ADD3: variants seen among roughly 807,000 people sequenced by gnomAD.
ADD3 encodes the protein gamma-adducin.
In ADD3, 25 loss-of-function variants were observed where a neutral mutation model predicts 80.2. The ratio of observed to expected loss-of-function variants is 0.31; its 90% CI spans 0.23 to 0.44. ADD3 has a LOEUF of 0.44. Ranked by LOEUF, ADD3 falls within the 20% of genes least tolerant of loss-of-function variation. The pLI is 1.00. For synonymous variants in ADD3, 284 were observed against 289.6 expected (o/e 0.98, Z 0.20); for missense variants, 829 against 847.5 (o/e 0.98, Z 0.27).
At chr10:110,056,956 C>T (rs763892414) in intron 1 of ADD3, among the ~76,000 whole-genome samples, 4 of 152,280 alleles carry the variant, frequency 2.6e-5, no homozygotes, top group South Asian at 2.1e-4. Flanking sequence ...GGTTAGTTTT[C>T]GTTCTTTCTA....
At chr10:110,053,141 C>CAT (rs952378798) in intron 1 of ADD3, among the ~76,000 whole-genome samples, 3 of 152,232 alleles carry the variant, frequency 2.0e-5, no homozygotes, top group African/African-American at 7.2e-5. Context: ...AGCATAAGAT[C>CAT]ATAGCAGAAT....
intron 1 of ADD3, among the ~76,000 whole-genome samples, chr10:110,089,823 A>G (rs1847244686): frequency 6.6e-6 from 1 of 152,164 alleles, no homozygotes; most frequent in Non-Finnish European, 1.5e-5. Flanking sequence ...ATGATTAATG[A>G]TTGAGTTTGG....
At chr10:110,076,258 G>C (rs1845363758) in intron 1 of ADD3, among the ~76,000 whole-genome samples, 1 of 151,988 alleles carries the variant, frequency 6.6e-6, no homozygotes, top group Admixed American at 6.6e-5. Context: ...TCAGATGTTT[G>C]TTAATAGTTT....
intron 1 of ADD3, among the ~76,000 whole-genome samples, chr10:109,996,873 A>C (rs1589674723): frequency 2.0e-5 from 3 of 152,344 alleles, no homozygotes; most frequent in African/African-American, 7.2e-5. Flanking sequence ...GCCTCAATGA[A>C]TTGTGCTGTT....
intron 1 of ADD3, among the ~76,000 whole-genome samples, chr10:110,079,907 T>G (rs1402327635): frequency 1.3e-5 from 2 of 152,200 alleles, no homozygotes; most frequent in Admixed American, 1.3e-4. Context: ...AACTCAGTTA[T>G]TCCTCCTTTG....
intron 2 of ADD3, among the ~76,000 whole-genome samples, chr10:110,110,009 A>T (rs1287119160): frequency 2.6e-5 from 4 of 152,192 alleles, no homozygotes; most frequent in Non-Finnish European, 4.4e-5. Context: ...ATAGAACCAG[A>T]TGTTTTTGAG....
intron 1 of ADD3, among the ~76,000 whole-genome samples, chr10:110,079,019 G>C (rs986373627): frequency 9.2e-5 from 14 of 152,036 alleles, no homozygotes; most frequent in African/African-American, 3.4e-4. Flanking sequence ...TTTTTACCAA[G>C]CCCTGTGAAT....
intron 1 of ADD3, among the ~76,000 whole-genome samples, chr10:110,033,316 A>G (rs1251185958): frequency 6.6e-6 from 1 of 152,226 alleles, no homozygotes; most frequent in East Asian, 1.9e-4. Flanking sequence ...GACTAATAGC[A>G]GAATAGATGT....
At chr10:110,084,885 TTAAA>T (rs1365993629) in intron 1 of ADD3, among the ~76,000 whole-genome samples, 2 of 152,210 alleles carry the variant, frequency 1.3e-5, no homozygotes, top group African/African-American at 2.4e-5. Context: ...CCTCCATAAA[TTAAA>T]TAGTTAATTA....
At chr10:110,005,861 G>A (rs1189115464), upstream of ADD3, 1 of 157,420 alleles carries the variant, frequency 6.4e-6, no homozygotes, top group Non-Finnish European at 1.4e-5. Flanking sequence ...ATACTAGAGA[G>A]GAAAAACAAA....
chr10:110,063,736 A>ATT (rs1491210694), intron 1 of ADD3, among the ~76,000 whole-genome samples: 106 of 45,790 alleles, frequency 2.3e-3, no homozygotes, highest in Non-Finnish European at 3.1e-3. Flanking sequence ...ATATATATTC[A>ATT]TTATATATAT....
At chr10:110,020,677 T>C (rs547041260) in intron 1 of ADD3, among the ~76,000 whole-genome samples, 9 of 152,294 alleles carry the variant, frequency 5.9e-5, no homozygotes, top group Non-Finnish European at 7.4e-5. Context: ...AGTGAGCAAG[T>C]GTAGATGCAG....
At chr10:110,027,828 A>G (rs748374139) in intron 1 of ADD3, among the ~76,000 whole-genome samples, 5 of 152,200 alleles carry the variant, frequency 3.3e-5, no homozygotes, top group Non-Finnish European at 5.9e-5. Context: ...TGTTTTAACC[A>G]TTTGTGCTTT....
chr10:110,009,471 T>G (rs781466159), intron 1 of ADD3, among the ~76,000 whole-genome samples: 3 of 152,176 alleles, frequency 2.0e-5, no homozygotes, highest in Non-Finnish European at 4.4e-5. Context: ...GTTTTCAAGT[T>G]AAATACTTGA....
At chr10:110,034,458 TAATA>T (rs1185291375) in intron 1 of ADD3, among the ~76,000 whole-genome samples, 1 of 151,524 alleles carries the variant, frequency 6.6e-6, no homozygotes, top group Non-Finnish European at 1.5e-5. Context: ...ATTTTTTCAT[TAATA>T]AAATAAAATA....
At chr10:110,080,816 T>TA (rs1436701903) in intron 1 of ADD3, among the ~76,000 whole-genome samples, 3 of 152,210 alleles carry the variant, frequency 2.0e-5, no homozygotes, top group Non-Finnish European at 2.9e-5. Flanking sequence ...TTAACATAAT[T>TA]AAAGTTTTCA....
chr10:110,118,515 CT>C (rs1206226158), intron 5 of ADD3, 71 bp from the exon 6 acceptor site: 6 of 1,373,080 alleles, frequency 4.4e-6, no homozygotes, highest in African/African-American at 2.9e-5. Flanking sequence ...TTGCTACCCC[CT>C]GGTTTAGCTT....
At chr10:110,059,929 G>T (rs1028422265) in intron 1 of ADD3, among the ~76,000 whole-genome samples, 1 of 152,178 alleles carries the variant, frequency 6.6e-6, no homozygotes, top group African/African-American at 2.4e-5. Context: ...ATGATGAAAG[G>T]TTATTCTGTG....
intron 1 of ADD3, among the ~76,000 whole-genome samples, chr10:110,021,191 A>G (rs995157946): frequency 6.6e-6 from 1 of 152,246 alleles, no homozygotes; most frequent in Non-Finnish European, 1.5e-5. Flanking sequence ...TGCTAAGGAC[A>G]CTTGGTCCTG....
Sources: allele counts gnomAD v4.1 joint callset (sites outside exome capture counted in the v4.1 genomes callset), GRCh38; gene constraint gnomAD v4.1.1; transcripts MANE v1.5; gene names NCBI Gene and HGNC (gene_info 2026-07-23, HGNC 2026-07-21).